EBF3: variants seen among roughly 807,000 people sequenced by gnomAD.
EBF3 encodes transcription factor COE3.
EBF3 carries 18 observed loss-of-function variants against 77.1 expected under a neutral mutation model. That is an observed-to-expected ratio of 0.23 (90% CI 0.16 to 0.35). The LOEUF (loss-of-function observed/expected upper bound fraction) is 0.35, where lower values mean the gene tolerates loss of function less well. EBF3 is among the 10% of genes least tolerant of loss of function. EBF3 has a pLI of 1.00. For synonymous variants in EBF3, 350 were observed against 343.5 expected, an observed-to-expected ratio of 1.02 and a Z score of -0.21; for missense variants, 558 against 860.0, an observed-to-expected ratio of 0.65 and a Z score of 4.39.
chr10:129,848,518 CT>C lies in EBF3; in HGVS notation c.1040-39del. 6.2e-7 allele frequency: 1 copy of C among 1,600,306 alleles called. No homozygotes were observed. Among genetic ancestry groups the C allele is most frequent in the Non-Finnish European group, 8.6e-7 (1 of 1,167,404 alleles). ...ACAGAAATGTAGATCAGGTTAATTA[CT>C]TTTATGTCATCCATTACTCGTTTAT... On this transcript the variant is annotated intron_variant, in intron 10 of 16. Coordinates refer to ENST00000440978, the MANE Select transcript of EBF3 (RefSeq NM_001375380.1). This position sits in a 1 kb window ranked among gnomAD's most constrained non-coding sequence, Gnocchi z 4.4.
Position 129,837,736 on chromosome 10 carries a change from G to T in EBF3, c.*207C>A. The T allele has an allele frequency of 5.0e-6, 3 of 601,440 alleles. No individual in the cohort carries two copies. The highest frequency in any genetic ancestry group is 4.4e-5 in the South Asian group (2 of 45,584). The allele number at this position is 601,440 out of a possible 1,614,324, so 37.3% of individuals were successfully genotyped here. ...CAGTCAATAAAATGGAATTGTTCAT[G>T]AAGAAGTAGGCTGTTTGCATGTTGA... On this transcript the variant is annotated 3_prime_UTR_variant, in exon 17 of 17. Transcript: ENST00000440978.
intron 14 of EBF3, 59 bp from the exon 15 acceptor site, chr10:129,840,501 G>A (rs1013025482): frequency 1.3e-6 from 2 of 1,518,184 alleles, no homozygotes; most frequent in African/African-American, 1.4e-5. Flanking sequence ...ACGGCGAGAG[G>A]GCACCAAAGG....
intron 6 of EBF3, among the ~76,000 whole-genome samples, chr10:129,896,634 G>A (rs940557756): frequency 6.6e-6 from 1 of 152,222 alleles, no homozygotes; most frequent in South Asian, 2.1e-4. Context: ...CGGAGGCGGT[G>A]CACCGTGCAG....
intron 6 of EBF3, among the ~76,000 whole-genome samples, chr10:129,888,045 A>G (rs1853734102): frequency 6.6e-6 from 1 of 152,188 alleles, no homozygotes; most frequent in African/African-American, 2.4e-5. Flanking sequence ...GTAAGCTGGG[A>G]ACCTTCTCTT....
At chr10:129,896,698 T>G (rs2092865247) in intron 6 of EBF3, among the ~76,000 whole-genome samples, 1 of 152,240 alleles carries the variant, frequency 6.6e-6, no homozygotes. Flanking sequence ...CTCCTCCCGC[T>G]GCTCTCCTCC....
rs1858059313 is a variant in EBF3, at chr10:129,944,884, A to AGAACTGGG, written c.554+12366_554+12373dup. Among the ~76,000 whole-genome samples, 1 of 151,450 alleles carries AGAACTGGG rather than the reference A, an allele frequency of 6.6e-6. No individual in the cohort carries two copies. ...ATAGAATATGTACGAAAATGTCAGGAGAACTGGGCATTTAAAGCTTGATTT... is the reference window on the plus strand; with the variant it reads ...ATAGAATATGTACGAAAATGTCAGGAGAACTGGGGAACTGGGCATTTAAAGCTTGATTT... On this transcript the variant is annotated intron_variant, in intron 6 of 16. Coordinates refer to ENST00000440978, the MANE Select transcript of EBF3 (RefSeq NM_001375380.1). This position sits in a 1 kb window ranked among gnomAD's most constrained non-coding sequence, Gnocchi z 5.1.
intron 6 of EBF3, among the ~76,000 whole-genome samples, chr10:129,909,664 G>A (rs1855379922): frequency 6.6e-6 from 1 of 152,178 alleles, no homozygotes; most frequent in Non-Finnish European, 1.5e-5. Context: ...CTGGTGTCCG[G>A]GCAGCACTGT....
Position 129,924,864 on chromosome 10 carries a change from C to T in EBF3, c.554+32394G>A, listed in dbSNP as rs1279490498. Among the ~76,000 whole-genome samples, 6 of 152,170 alleles carry T rather than the reference C, an allele frequency of 3.9e-5. No homozygotes were observed. The South Asian group carries it at 1.0e-3, about 26-fold the overall frequency. On this transcript the variant is annotated intron_variant, in intron 6 of 16. Transcript: ENST00000440978. ...AAAAAAAATTTGTGAAGATGGAGGT[C>T]TCACTATGTTGCTTAGGCTGGTCTC...
At chr10:129,866,053 T>C (rs1851992120) in intron 10 of EBF3, among the ~76,000 whole-genome samples, 1 of 152,238 alleles carries the variant, frequency 6.6e-6, no homozygotes, top group Non-Finnish European at 1.5e-5. Context: ...ATTAAAAACA[T>C]CTCTCAAATG....
At chr10:129,868,267 G>C (rs913758845) in intron 8 of EBF3, among the ~76,000 whole-genome samples, 2 of 152,212 alleles carry the variant, frequency 1.3e-5, no homozygotes, top group African/African-American at 4.8e-5. Context: ...TCAATCAAAA[G>C]GTTGTTGAAG....
intron 6 of EBF3, among the ~76,000 whole-genome samples, chr10:129,919,765 T>C (rs941990705): frequency 2.6e-5 from 4 of 152,162 alleles, no homozygotes; most frequent in African/African-American, 9.7e-5. Flanking sequence ...GGTCTCACTA[T>C]ATGTAAACCA....
In EBF3 at chr10:129,963,582, G is replaced by T. The variant is rs1168353222; in HGVS notation, c.134+53C>A. The T allele has an allele frequency of 8.1e-7, 1 of 1,231,762 alleles. No homozygotes were observed. The highest frequency in any genetic ancestry group is 2.3e-5 in the South Asian group (1 of 43,728). 76.3% of individuals were successfully genotyped at this position (1,231,762 alleles called of 1,614,324 possible). ...AGCGCGGCGCCGGCCGGCGGAGGGG[G>T]CCGGGCCGGGCCGGGGCCGGGGCCA... On this transcript the variant is annotated intron_variant, in intron 1 of 16. Transcript: ENST00000440978. The surrounding 1 kb of genome is among the most constrained non-coding windows in gnomAD (Gnocchi z 7.1).
intron 6 of EBF3, among the ~76,000 whole-genome samples, chr10:129,903,476 T>G (rs147635417): frequency 7.9e-4 from 120 of 152,328 alleles, no homozygotes; most frequent in African/African-American, 2.6e-3. Context: ...AGAAAGAGAT[T>G]ACAAAGATAG....
At chr10:129,901,981 A>G (rs1474152882) in intron 6 of EBF3, among the ~76,000 whole-genome samples, 1 of 152,244 alleles carries the variant, frequency 6.6e-6, no homozygotes, top group Non-Finnish European at 1.5e-5. Flanking sequence ...GTCTACCTGT[A>G]AAACCTTTCC....
chr10:129,844,514 C>T (rs1850315968), intron 11 of EBF3, among the ~76,000 whole-genome samples: 1 of 152,160 alleles, frequency 6.6e-6, no homozygotes, highest in South Asian at 2.1e-4. Context: ...ATCTGTGTTA[C>T]ATCTGAGAAG....
chr10:129,955,956 A>G (rs1374063661), intron 6 of EBF3, among the ~76,000 whole-genome samples: 1 of 152,272 alleles, frequency 6.6e-6, no homozygotes, highest in Non-Finnish European at 1.5e-5. Flanking sequence ...TATGATTTCC[A>G]TGGCCACAAC....
chr10:129,873,468 A>T lies in EBF3; in HGVS notation c.765T>A (p.Pro255=), dbSNP rs1180434074. The T allele has an allele frequency of 4.5e-6, 7 of 1,541,360 alleles. No homozygotes were observed. The highest frequency in any genetic ancestry group is 6.1e-6 in the Non-Finnish European group (7 of 1,142,778). ...RRLDPSEGTA[P]SYLENATPCI... ...TGTGCCTACCATTTTCCAGATAAGAAGGGGCCGTACCTTCTGACGGGTCTA... is the reference window on the plus strand; with the variant it reads ...TGTGCCTACCATTTTCCAGATAAGATGGGGCCGTACCTTCTGACGGGTCTA... The change falls in exon 8 of 17, where the codon CCT becomes CCA. Residue 255 remains proline (P), a synonymous_variant. Coordinates refer to ENST00000440978, the MANE Select transcript of EBF3 (RefSeq NM_001375380.1).
intron 10 of EBF3, among the ~76,000 whole-genome samples, chr10:129,849,968 G>A (rs564800831): frequency 6.6e-6 from 1 of 152,360 alleles, no homozygotes; most frequent in South Asian, 2.1e-4. Context: ...TGACTTGGGG[G>A]ACAATTTGTC....
intron 7 of EBF3, among the ~76,000 whole-genome samples, chr10:129,875,670 G>T (rs921084051): frequency 6.6e-6 from 1 of 152,224 alleles, no homozygotes; most frequent in Non-Finnish European, 1.5e-5. Flanking sequence ...ACCTCAAAAG[G>T]TTATAAGTGC....
Sources: allele counts gnomAD v4.1 joint callset (sites outside exome capture counted in the v4.1 genomes callset), GRCh38; gene constraint gnomAD v4.1.1; non-coding constraint Gnocchi (gnomAD v3.1); transcripts MANE v1.5; gene names NCBI Gene and HGNC (gene_info 2026-07-23, HGNC 2026-07-21).